Variants in C2CD4B observed in about 807,000 individuals in gnomAD.
C2CD4B encodes the protein C2 calcium dependent domain containing 4B.
For synonymous variants in C2CD4B, 347 were observed against 284.9 expected, an observed-to-expected ratio of 1.22 and a Z score of -2.20; for missense variants, 644 against 577.7, an observed-to-expected ratio of 1.11 and a Z score of -1.18.
Position 62,164,471 on chromosome 15 carries a change from G to A in C2CD4B, c.514C>T (p.Arg172Cys), listed in dbSNP as rs559489998. The A allele has an allele frequency of 1.2e-4, 158 of 1,280,204 alleles. No homozygotes were observed. The highest frequency in any genetic ancestry group is 9.1e-4 in the Middle Eastern group (3 of 3,304). The allele number at this position is 1,280,204 out of a possible 1,614,324, so 79.3% of individuals were successfully genotyped here. A position where few individuals can be genotyped will look rare whatever the true frequency, so the allele number is the denominator to read the frequency against. ...GGGACGCGCAGGAGGCGGCAGCGGC[G>A]GGGCCCCGCAGCGAGCGCGTCCTGG... ...LPQDALAAGPRRCRLLRVPDG... is the reference protein window; with the variant it reads ...LPQDALAAGPCRCRLLRVPDG... Residue 172 changes from arginine (R) to cysteine (C), a missense_variant, in exon 2 of 2, where the codon CGC becomes TGC. By Grantham distance (180) the Arg-to-Cys change is radical. Transcript: ENST00000380392.
Position 62,163,722 on chromosome 15 carries a change from T to A in C2CD4B, c.*168A>T, listed in dbSNP as rs1399348839. 1 of 1,020,924 alleles carries A rather than the reference T, an allele frequency of 9.8e-7. No homozygotes were observed. Among genetic ancestry groups the A allele is most frequent in the East Asian group, 3.2e-5 (1 of 31,580 alleles). The allele number at this position is 1,020,924 out of a possible 1,614,324, so 63.2% of individuals were successfully genotyped here. A position where few individuals can be genotyped will look rare whatever the true frequency, so the allele number is the denominator to read the frequency against. ...TCCTGTGAACAGAACAGGGAGTCAT[T>A]ATCTTTTTCTTCTTTACCAATAGAC... On this transcript the variant is annotated 3_prime_UTR_variant, in exon 2 of 2. Transcript: ENST00000380392.
At position 62,163,914 on chromosome 15, in the gene C2CD4B, G is replaced by T. The variant is rs1335044453; in HGVS notation, c.1071C>A (p.Ser357=). The T allele has an allele frequency of 1.3e-6, 2 of 1,535,132 alleles. No individual in the cohort carries two copies. Among genetic ancestry groups the T allele is most frequent in the Non-Finnish European group, 1.7e-6 (2 of 1,145,878 alleles). Residue 357 remains serine (S), a synonymous_variant, in exon 2 of 2, where the codon TCC becomes TCA. Coordinates refer to ENST00000380392, the MANE Select transcript of C2CD4B (RefSeq NM_001007595.3). ...CTCAGAGCAGCAGGAGGGCGCCCAG[G>T]GACAGCTCACCCTGGCCCAGCAGGC... The part of the protein sequence containing the change: ...RGRLLGQGEL[S]LGALLLL
In C2CD4B at chr15:62,163,972, G is replaced by A. The variant is rs774690175; in HGVS notation, c.1013C>T (p.Ala338Val). The change falls in exon 2 of 2, where the codon GCC (alanine) becomes GTC (valine). Residue 338 changes from alanine (A) to valine (V), a missense_variant. Coordinates refer to ENST00000380392, the MANE Select transcript of C2CD4B (RefSeq NM_001007595.3). The stretch of plus-strand genomic sequence containing the variant: ...ATCCCGGCCGCGACCCTCATCCCGG[G>A]CCTTGACGCGAACGGCCAGGCGGCG... Reference protein sequence around the residue: ...EVRRLAVRVKARDEGRGRDRG... With the variant: ...EVRRLAVRVKVRDEGRGRDRG... 7 of 1,594,992 alleles carry A rather than the reference G, an allele frequency of 4.4e-6. No individual in the cohort carries two copies. The African/African-American group carries it at 6.7e-5, about 15-fold the overall frequency.
In C2CD4B at chr15:62,163,961, C is replaced by G. The variant is rs2049579115; in HGVS notation, c.1024G>C (p.Gly342Arg). 6.3e-7 allele frequency: 1 copy of G among 1,589,228 alleles called. No individual in the cohort carries two copies. Among genetic ancestry groups the G allele is most frequent in the African/African-American group, 1.3e-5 (1 of 74,458 alleles). ...AGGCGGCCCCGATCCCGGCCGCGAC[C>G]CTCATCCCGGGCCTTGACGCGAACG... ...LAVRVKARDE[G>R]RGRDRGRLLG... Residue 342 changes from glycine (G) to arginine (R), a missense_variant, in exon 2 of 2, where the codon GGT (glycine) becomes CGT (arginine). Transcript: ENST00000380392.
Position 62,164,013 on chromosome 15 carries a change from G to C in C2CD4B, c.972C>G (p.Leu324=). 3.1e-6 allele frequency: 5 copies of C among 1,601,036 alleles called. No homozygotes were observed. Among genetic ancestry groups the C allele is most frequent in the Non-Finnish European group, 4.3e-6 (5 of 1,176,122 alleles). ...CCAGGCGGCGCACCTCGTCTTCCGAGAGGCCGTCGAAGCAAAAGTCCTGGT... is the reference window on the plus strand; with the variant it reads ...CCAGGCGGCGCACCTCGTCTTCCGACAGGCCGTCGAAGCAAAAGTCCTGGT... The part of the protein sequence containing the change: ...SFDQDFCFDG[L]SEDEVRRLAV... Residue 324 remains leucine, a synonymous_variant, in exon 2 of 2, where the codon CTC becomes CTG. Transcript: ENST00000380392.
chr15:62,164,878 G>T lies in C2CD4B; in HGVS notation c.107C>A (p.Pro36Gln). ...CGTGCAAGGGGCCGGCAGCCGCGGC[G>T]GGATGCAGAATTCGGGGATGCGATT... is the stretch of plus-strand genomic sequence containing the variant. Reference protein sequence around the residue: ...TPNRIPEFCIPPRLPAPCTLE... With the variant: ...TPNRIPEFCIQPRLPAPCTLE... The change falls in exon 2 of 2, where the codon CCG becomes CAG. Residue 36 changes from proline to glutamine, a missense_variant. Transcript: ENST00000380392. 6.6e-7 allele frequency: 1 copy of T among 1,517,770 alleles called. No individual in the cohort carries two copies. Among genetic ancestry groups the T allele is most frequent in the Non-Finnish European group, 8.8e-7 (1 of 1,137,532 alleles). The allele number at this position is 1,517,770 out of a possible 1,614,324, so 94.0% of individuals were successfully genotyped here. A position where few individuals can be genotyped will look rare whatever the true frequency, so the allele number is the denominator to read the frequency against.
At position 62,164,546 on chromosome 15, in the gene C2CD4B, G is replaced by A. The variant is rs1404029564; in HGVS notation, c.439C>T (p.Arg147Ter). The A allele has an allele frequency of 8.7e-7, 1 of 1,148,980 alleles. No homozygotes were observed. Among genetic ancestry groups the A allele is most frequent in the Non-Finnish European group, 1.1e-6 (1 of 936,810 alleles). 71.2% of individuals were successfully genotyped at this position (1,148,980 alleles called of 1,614,324 possible). A position where few individuals can be genotyped will look rare whatever the true frequency, so the allele number is the denominator to read the frequency against. Residue 147 changes from arginine to a stop codon, truncating the protein, a stop_gained, in exon 2 of 2, where the codon CGA becomes TGA. Transcript: ENST00000380392. LOFTEE classifies it low-confidence loss of function (END_TRUNC). ...GCGGGGGTGGCCGGGCCCGGACCTC[G>A]CGGGCCGCACAGGGTCCCCAGGGGG... ...DAPLGTLCGP[R>*]GPGPATPAAP... is the part of the protein sequence containing the mutation.
Position 62,164,981 on chromosome 15 carries a change from G to A in C2CD4B, c.4C>T (p.Arg2Trp), listed in dbSNP as rs868264302. 2 of 1,517,080 alleles carry A rather than the reference G, an allele frequency of 1.3e-6. No homozygotes were observed. The highest frequency in any genetic ancestry group is 1.8e-6 in the Non-Finnish European group (2 of 1,134,068). 94.0% of individuals were successfully genotyped at this position (1,517,080 alleles called of 1,614,324 possible). A position where few individuals can be genotyped will look rare whatever the true frequency, so the allele number is the denominator to read the frequency against. ...GAGGAACAGAGTTTCTCGAGGAGCC[G>A]CATCCTTGGAGGCTGGGGCTAGGAG... Reference protein sequence around the residue: MRLLEKLCSSAA... With the variant: MWLLEKLCSSAA... The change falls in exon 2 of 2, where the codon CGG (arginine) becomes TGG (tryptophan). Residue 2 changes from arginine to tryptophan, a missense_variant. Transcript: ENST00000380392.
In C2CD4B at chr15:62,164,926, G is replaced by T. The variant is rs908595902; in HGVS notation, c.59C>A (p.Ala20Asp). ...SAAGSSAPKP[A>D]FAKVLTPNRI... The stretch of plus-strand genomic sequence containing the variant: ...ATTCGGCGTGAGCACTTTGGCGAAG[G>T]CGGGCTTCGGCGCGGAGCTGCCTGC... The change falls in exon 2 of 2, where the codon GCC (alanine) becomes GAC (aspartate). Residue 20 changes from alanine (A) to aspartate (D), a missense_variant. Coordinates refer to ENST00000380392, the MANE Select transcript of C2CD4B (RefSeq NM_001007595.3). 16 of 1,536,436 alleles carry T rather than the reference G, an allele frequency of 1.0e-5. No individual in the cohort carries two copies. The highest frequency in any genetic ancestry group is 1.3e-5 in the Non-Finnish European group (15 of 1,144,716).
rs747632653 is a variant in C2CD4B at position 62,164,123 on chromosome 15, G to T, written c.862C>A (p.Arg288Ser). 6.8e-7 allele frequency: 1 copy of T among 1,472,854 alleles called. No homozygotes were observed. The highest frequency in any genetic ancestry group is 1.3e-5 in the South Asian group (1 of 74,840). 91.2% of individuals were successfully genotyped at this position (1,472,854 alleles called of 1,614,324 possible). A position where few individuals can be genotyped will look rare whatever the true frequency, so the allele number is the denominator to read the frequency against. Residue 288 changes from arginine to serine, a missense_variant, in exon 2 of 2, where the codon CGC (arginine) becomes AGC (serine). By Grantham distance (110) the Arg-to-Ser change is moderately radical. Coordinates refer to ENST00000380392, the MANE Select transcript of C2CD4B (RefSeq NM_001007595.3). ...GAPGPRAVRC[R>S]LSLVLRPPGT... is the part of the protein sequence containing the mutation. ...GGCGGCCGCAGGACGAGGCTGAGGCGGCAGCGGACGGCGCGGGGCCCGGGG... is the reference window on the plus strand; with the variant it reads ...GGCGGCCGCAGGACGAGGCTGAGGCTGCAGCGGACGGCGCGGGGCCCGGGG...
At position 62,164,533 on chromosome 15, in the gene C2CD4B, G is replaced by A. The variant is rs1270028371; in HGVS notation, c.452C>T (p.Pro151Leu). 10 of 1,146,636 alleles carry A rather than the reference G, an allele frequency of 8.7e-6. No individual in the cohort carries two copies. The highest frequency in any genetic ancestry group is 4.8e-5 in the Admixed American group (1 of 20,714). 71.0% of individuals were successfully genotyped at this position (1,146,636 alleles called of 1,614,324 possible). Residue 151 changes from proline to leucine, a missense_variant, in exon 2 of 2, where the codon CCG (proline) becomes CTG (leucine). Coordinates refer to ENST00000380392, the MANE Select transcript of C2CD4B (RefSeq NM_001007595.3). ...GTLCGPRGPG[P>L]ATPAAPGGPR... ...ACCGCCGGGGGCCGCGGGGGTGGCC[G>A]GGCCCGGACCTCGCGGGCCGCACAG...
At position 62,164,137 on chromosome 15, in the gene C2CD4B, C is replaced by CG; in HGVS notation, c.847dup (p.Arg283ProfsTer34). ...GAGGCTGAGGCGGCAGCGGACGGCGCGGGGCCCGGGGGCGCCTCCGAACAG... is the reference window on the plus strand; with the variant it reads ...GAGGCTGAGGCGGCAGCGGACGGCGCGGGGGCCCGGGGGCGCCTCCGAACAG... On this transcript the variant is annotated frameshift_variant, in exon 2 of 2. Coordinates refer to ENST00000380392, the MANE Select transcript of C2CD4B (RefSeq NM_001007595.3). LOFTEE classifies it low-confidence loss of function (END_TRUNC). 2.1e-6 allele frequency: 3 copies of CG among 1,457,016 alleles called. No homozygotes were observed. Among genetic ancestry groups the CG allele is most frequent in the Non-Finnish European group, 2.7e-6 (3 of 1,114,724 alleles). 90.3% of individuals were successfully genotyped at this position (1,457,016 alleles called of 1,614,324 possible).
Position 62,163,918 on chromosome 15 carries a change from A to C in C2CD4B, c.1067T>G (p.Leu356Arg). The C allele has an allele frequency of 6.5e-7, 1 of 1,539,794 alleles. No individual in the cohort carries two copies. The highest frequency in any genetic ancestry group is 8.7e-7 in the Non-Finnish European group (1 of 1,148,024). Residue 356 changes from leucine (L) to arginine (R), a missense_variant, in exon 2 of 2, where the codon CTG becomes CGG. By Grantham distance (102) the Leu-to-Arg change is moderately radical. Coordinates refer to ENST00000380392, the MANE Select transcript of C2CD4B (RefSeq NM_001007595.3). ...DRGRLLGQGE[L>R]SLGALLLL ...GAGCAGCAGGAGGGCGCCCAGGGAC[A>C]GCTCACCCTGGCCCAGCAGGCGGCC...
At position 62,165,066 on chromosome 15, in the gene C2CD4B, G is replaced by A; in HGVS notation, c.-40-42C>T. 10 of 1,418,056 alleles carry A rather than the reference G, an allele frequency of 7.1e-6. No individual in the cohort carries two copies. The South Asian group carries it at 1.3e-4, about 19-fold the overall frequency. The allele number at this position is 1,418,056 out of a possible 1,614,324, so 87.8% of individuals were successfully genotyped here. On this transcript the variant is annotated intron_variant, in intron 1 of 1. Transcript: ENST00000380392. ...CTGCTGAGTTTGGGCGCCTGGAGCT[G>A]CTGCAGCCCCTCGACGCGGCTGGAT...
In C2CD4B at chr15:62,164,540, G is replaced by GAC. The variant is rs924298061; in HGVS notation, c.443_444dup (p.Pro149ValfsTer37). 8.7e-7 allele frequency: 1 copy of GAC among 1,145,766 alleles called. No individual in the cohort carries two copies. Among genetic ancestry groups the GAC allele is most frequent in the African/African-American group, 1.6e-5 (1 of 60,970 alleles). The allele number at this position is 1,145,766 out of a possible 1,614,324, so 71.0% of individuals were successfully genotyped here. ...GGGGCCGCGGGGGTGGCCGGGCCCGGACCTCGCGGGCCGCACAGGGTCCCC... is the reference window on the plus strand; with the variant it reads ...GGGGCCGCGGGGGTGGCCGGGCCCGGACACCTCGCGGGCCGCACAGGGTCCCC... On this transcript the variant is annotated frameshift_variant, in exon 2 of 2. Transcript: ENST00000380392. LOFTEE classifies it low-confidence loss of function (END_TRUNC).
chr15:62,164,335 G>GA lies in C2CD4B; in HGVS notation c.649dup (p.Ser217PhefsTer19). 7 of 1,401,058 alleles carry GA rather than the reference G, an allele frequency of 5.0e-6. No homozygotes were observed. The highest frequency in any genetic ancestry group is 6.4e-6 in the Non-Finnish European group (7 of 1,087,340). 86.8% of individuals were successfully genotyped at this position (1,401,058 alleles called of 1,614,324 possible). ...GCTCGAGGAGGGGGCCCGGGCCGGG[G>GA]ACTCGGATCCCGCGCGGCGCTCCTC... On this transcript the variant is annotated frameshift_variant, in exon 2 of 2. Transcript: ENST00000380392. LOFTEE classifies it low-confidence loss of function (END_TRUNC).
chr15:62,164,930 G>C lies in C2CD4B; in HGVS notation c.55C>G (p.Pro19Ala). 6.5e-7 allele frequency: 1 copy of C among 1,536,124 alleles called. No individual in the cohort carries two copies. Among genetic ancestry groups the C allele is most frequent in the Non-Finnish European group, 8.7e-7 (1 of 1,144,406 alleles). ...SSAAGSSAPK[P>A]AFAKVLTPNR... ...GGCGTGAGCACTTTGGCGAAGGCGG[G>C]CTTCGGCGCGGAGCTGCCTGCGGCC... The change falls in exon 2 of 2, where the codon CCC becomes GCC. Residue 19 changes from proline (P) to alanine (A), a missense_variant. Coordinates refer to ENST00000380392, the MANE Select transcript of C2CD4B (RefSeq NM_001007595.3).
Position 62,164,914 on chromosome 15 carries a change from A to C in C2CD4B, c.71T>G (p.Val24Gly). 2.0e-6 allele frequency: 3 copies of C among 1,537,790 alleles called. No individual in the cohort carries two copies. Among genetic ancestry groups the C allele is most frequent in the South Asian group, 2.4e-5 (2 of 83,940 alleles). ...TTCGGGGATGCGATTCGGCGTGAGC[A>C]CTTTGGCGAAGGCGGGCTTCGGCGC... is the stretch of plus-strand genomic sequence containing the variant. Reference protein sequence around the residue: ...SSAPKPAFAKVLTPNRIPEFC... With the variant: ...SSAPKPAFAKGLTPNRIPEFC... Residue 24 changes from valine to glycine, a missense_variant, in exon 2 of 2, where the codon GTG becomes GGG. Val to Gly is a moderately radical substitution (Grantham distance 109). Coordinates refer to ENST00000380392, the MANE Select transcript of C2CD4B (RefSeq NM_001007595.3).
Position 62,164,361 on chromosome 15 carries a change from G to T in C2CD4B, c.624C>A (p.Asp208Glu). ...ACTCGGATCCCGCGCGGCGCTCCTC[G>T]TCCTCGTTCCCGCTGGAGACGGAGC... ...RVRSVSSGNE[D>E]EERRAGSESP... Residue 208 changes from aspartate to glutamate, a missense_variant, in exon 2 of 2, where the codon GAC becomes GAA. Coordinates refer to ENST00000380392, the MANE Select transcript of C2CD4B (RefSeq NM_001007595.3). 1 of 1,412,156 alleles carries T rather than the reference G, an allele frequency of 7.1e-7. No homozygotes were observed. The highest frequency in any genetic ancestry group is 9.2e-7 in the Non-Finnish European group (1 of 1,091,582). The allele number at this position is 1,412,156 out of a possible 1,614,324, so 87.5% of individuals were successfully genotyped here.
Sources: gnomAD v4.1 joint callset for allele counts on GRCh38, gnomAD v4.1.1 for gene constraint, MANE v1.5 for transcripts, NCBI Gene and HGNC (gene_info 2026-07-23, HGNC 2026-07-21) for gene names.